Variants in RAP1GDS1 observed in about 807,000 individuals in gnomAD.
RAP1GDS1 encodes Rap1 GTPase-GDP dissociation stimulator 1, also known as RAP1, GTP-GDP dissociation stimulator 1.
Under a neutral mutation model 71.1 loss-of-function variants are expected in RAP1GDS1, and 35 were observed. That is an observed-to-expected ratio of 0.49 (90% CI 0.38 to 0.65). The LOEUF (loss-of-function observed/expected upper bound fraction) is 0.65, where lower values mean the gene tolerates loss of function less well. RAP1GDS1 is among the 30% of genes least tolerant of loss of function. The probability of loss-of-function intolerance (pLI) is 0.00; values close to 1 mark genes in which losing one functional copy is unlikely to be tolerated. For synonymous variants in RAP1GDS1, 229 were observed against 243.1 expected (o/e 0.94, Z 0.54); for missense variants, 663 against 706.1 (o/e 0.94, Z 0.69).
At chr4:98,316,241 T>C (rs890477297) in intron 2 of RAP1GDS1, among the ~76,000 whole-genome samples, 4 of 152,020 alleles carry the variant, frequency 2.6e-5, no homozygotes, top group African/African-American at 9.7e-5. Context: ...ACATGAATTA[T>C]GGAAAGAGGG....
intron 2 of RAP1GDS1, among the ~76,000 whole-genome samples, chr4:98,340,776 T>C (rs1235001797): frequency 1.3e-5 from 2 of 151,790 alleles, no homozygotes; most frequent in African/African-American, 2.4e-5. Flanking sequence ...TATTCACATA[T>C]ATGTATATAT....
intron 1 of RAP1GDS1, among the ~76,000 whole-genome samples, chr4:98,279,232 A>G (rs966492283): frequency 1.3e-5 from 2 of 152,066 alleles, no homozygotes; most frequent in African/African-American, 4.8e-5. Context: ...TTAAAAACAA[A>G]CAAACAAACA....
intron 6 of RAP1GDS1, chr4:98,396,655 TATA>T (rs1349838751): frequency 1.3e-5 from 2 of 152,220 alleles, no homozygotes; most frequent in Non-Finnish European, 2.9e-5. Context: ...CTCGAGTTTA[TATA>T]ATGAGTCAGT....
chr4:98,405,240 A>G (rs534699347), intron 7 of RAP1GDS1, among the ~76,000 whole-genome samples: 8 of 152,302 alleles, frequency 5.3e-5, no homozygotes, highest in East Asian at 1.9e-4. Flanking sequence ...GAAGGAAACT[A>G]AAAACTATTT....
At chr4:98,298,136 T>TAAGAA (rs1410742419) in intron 2 of RAP1GDS1, among the ~76,000 whole-genome samples, 3 of 152,128 alleles carry the variant, frequency 2.0e-5, no homozygotes, top group African/African-American at 7.2e-5. Flanking sequence ...GAGACTGCAT[T>TAAGAA]AAGAAAAGTT....
intron 7 of RAP1GDS1, among the ~76,000 whole-genome samples, chr4:98,408,775 A>C (rs934115931): frequency 4.6e-5 from 7 of 152,204 alleles, no homozygotes; most frequent in African/African-American, 1.7e-4. Context: ...ACCTTAAAAT[A>C]TTTAAGGGGA....
intron 2 of RAP1GDS1, among the ~76,000 whole-genome samples, chr4:98,341,918 ACATATG>A (rs140589098): frequency 0.012 from 1,897 of 152,300 alleles, 43 homozygotes; most frequent in African/African-American, 0.044. Context: ...ACTTACAGGC[ACATATG>A]CATATGCATA....
chr4:98,379,871 G>T (rs1741731054), intron 5 of RAP1GDS1, among the ~76,000 whole-genome samples: 1 of 151,708 alleles, frequency 6.6e-6, no homozygotes, highest in South Asian at 2.1e-4. Context: ...GTATGTTCCT[G>T]GTATGTAACA....
chr4:98,265,631 A>C (rs777876966), intron 1 of RAP1GDS1, among the ~76,000 whole-genome samples: 1 of 152,182 alleles, frequency 6.6e-6, no homozygotes, highest in Non-Finnish European at 1.5e-5. Context: ...AGAGTCAACA[A>C]AGAAAAAGAG....
chr4:98,308,753 C>T (rs1729766654), intron 2 of RAP1GDS1, among the ~76,000 whole-genome samples: 1 of 151,972 alleles, frequency 6.6e-6, no homozygotes, highest in Admixed American at 6.6e-5. Flanking sequence ...AAATATTTAT[C>T]TAATGAGAAT....
At chr4:98,389,631 A>G (rs1312402390) in intron 5 of RAP1GDS1, among the ~76,000 whole-genome samples, 1 of 152,176 alleles carries the variant, frequency 6.6e-6, no homozygotes, top group African/African-American at 2.4e-5. Context: ...CCATTTGGCT[A>G]TGCTAACTTT....
At chr4:98,363,260 C>G (rs780198721) in intron 4 of RAP1GDS1, among the ~76,000 whole-genome samples, 2 of 151,606 alleles carry the variant, frequency 1.3e-5, no homozygotes, top group Non-Finnish European at 2.9e-5. Flanking sequence ...TGGCAAGGCT[C>G]AAGGGCTGCT....
chr4:98,403,904 G>A (rs1200490917), intron 6 of RAP1GDS1, among the ~76,000 whole-genome samples: 4 of 152,148 alleles, frequency 2.6e-5, no homozygotes, highest in African/African-American at 9.7e-5. Flanking sequence ...GCAAAAATGA[G>A]CTTGAATGGT....
chr4:98,351,976 A>G (rs1391627150), intron 3 of RAP1GDS1, among the ~76,000 whole-genome samples: 1 of 150,976 alleles, frequency 6.6e-6, no homozygotes, highest in East Asian at 1.9e-4. Context: ...TTAATGGTTC[A>G]CTGAAACCTT....
chr4:98,418,628 A>G, intron 9 of RAP1GDS1, 29 bp from the exon 10 acceptor site: 1 of 1,571,146 alleles, frequency 6.4e-7, no homozygotes, highest in Non-Finnish European at 8.6e-7. Context: ...TTTAAAGAGG[A>G]AGAAAAAGAT....
At chr4:98,294,283 G>A (rs1296631280) in intron 2 of RAP1GDS1, among the ~76,000 whole-genome samples, 1 of 151,938 alleles carries the variant, frequency 6.6e-6, no homozygotes. Flanking sequence ...TTATGTAGCT[G>A]ACAAAGAATG....
At chr4:98,441,862 A>G (rs1561027356) in intron 14 of RAP1GDS1, 128 bp from the exon 15 acceptor site, 2 of 1,037,894 alleles carry the variant, frequency 1.9e-6, no homozygotes, top group Non-Finnish European at 2.7e-6. Flanking sequence ...GGCTACTGCT[A>G]TGTCTTTTTC....
intron 4 of RAP1GDS1, among the ~76,000 whole-genome samples, chr4:98,368,719 T>C (rs1237255649): frequency 2.0e-5 from 3 of 152,200 alleles, no homozygotes; most frequent in Non-Finnish European, 4.4e-5. Flanking sequence ...AGAAAAGTTA[T>C]ACATTTAAAA....
chr4:98,441,840 A>AAGAC (rs1751914161), intron 14 of RAP1GDS1, 150 bp from the exon 15 acceptor site: 1 of 867,972 alleles, frequency 1.2e-6, no homozygotes, highest in Non-Finnish European at 1.6e-6. Flanking sequence ...ATTTCTAAGA[A>AAGAC]AGACATTGCT....
Sources: gnomAD v4.1 joint callset for allele counts (sites outside exome capture counted in the v4.1 genomes callset) on GRCh38, gnomAD v4.1.1 for gene constraint, MANE v1.5 for transcripts, NCBI Gene and HGNC (gene_info 2026-07-23, HGNC 2026-07-21) for gene names.